USHBP1: variants seen among roughly 807,000 people sequenced by gnomAD.
The protein encoded by USHBP1 is harmonin-binding protein USHBP1.
A neutral mutation model predicts 76.2 loss-of-function variants in USHBP1; 67 were observed. The observed-to-expected ratio is 0.88, with a 90% CI of 0.72 to 1.08. USHBP1 has a LOEUF of 1.08. Ranked by LOEUF, USHBP1 falls within the 50% of genes least tolerant of loss-of-function variation. The pLI is 0.00. For missense variants in USHBP1, 931 were observed against 915.0 expected (o/e 1.02, Z -0.23); for synonymous variants, 322 against 362.2 (o/e 0.89, Z 1.26).
chr19:17,259,890 C>T lies in USHBP1; in HGVS notation c.768+7G>A. On this transcript the variant is annotated splice_region_variant and intron_variant, in intron 5 of 12. Transcript: ENST00000252597. ...CAAGACCATGGGATTGAACTTCTCG[C>T]ACTCACCTGAGTCTCCCAGGGTTCC... The T allele has an allele frequency of 6.2e-7, 1 of 1,612,276 alleles. No homozygotes were observed. The highest frequency in any genetic ancestry group is 1.7e-5 in the Admixed American group (1 of 59,830).
Position 17,251,926 on chromosome 19 carries a change from G to T in USHBP1, c.1784C>A (p.Ala595Glu), listed in dbSNP as rs751367760. Residue 595 changes from alanine (A) to glutamate (E), a missense_variant, in exon 11 of 13, where the codon GCA becomes GAA. Transcript: ENST00000252597. ...AGGCACACACCTGGTGAGCGATGCT[G>T]CCAGTTCCTGGGCTAACTTCTCTGG... ...WDPEKLAQEL[A>E]ASLTRTLDLQ... is the part of the protein sequence containing the mutation. The T allele has an allele frequency of 1.3e-6, 2 of 1,544,758 alleles. No individual in the cohort carries two copies. The highest frequency in any genetic ancestry group is 1.7e-6 in the Non-Finnish European group (2 of 1,146,406).
chr19:17,263,741 G>A (rs929845498), intron 3 of USHBP1: 2 of 403,250 alleles, frequency 5.0e-6, no homozygotes, highest in Non-Finnish European at 4.4e-6. Flanking sequence ...ATGTGGTGGC[G>A]CACACCTGTA....
Position 17,264,287 on chromosome 19 carries a change from C to T in USHBP1, c.13G>A (p.Ala5Thr), listed in dbSNP as rs202066017. 1.2e-6 allele frequency: 2 copies of T among 1,612,602 alleles called. No homozygotes were observed. The highest frequency in any genetic ancestry group is 8.5e-7 in the Non-Finnish European group (1 of 1,179,692). MSARATRPRSRRGRH... is the reference protein window; with the variant it reads MSARTTRPRSRRGRH... ...CCTCGCCGGCTTCGGGGCCGCGTGG[C>T]CCGGGCACTCATTGCTGTCCAGAAG... Residue 5 changes from alanine (A) to threonine (T), a missense_variant, in exon 2 of 13, where the codon GCC becomes ACC. Ala to Thr is a moderately conservative substitution (Grantham distance 58). Transcript: ENST00000252597.
chr19:17,263,370 T>C (rs551019012), intron 3 of USHBP1: 2 of 172,828 alleles, frequency 1.2e-5, no homozygotes, highest in African/African-American at 4.8e-5. Context: ...TTAAACTTCA[T>C]GGTCTTGGGG....
intron 10 of USHBP1, 110 bp downstream of exon 10, chr19:17,255,273 CAA>C: frequency 8.1e-7 from 1 of 1,235,760 alleles, no homozygotes. Flanking sequence ...GCCTGGGCAA[CAA>C]GAGCCAAACT....
chr19:17,262,152 C>A (rs887581351), intron 4 of USHBP1, among the ~76,000 whole-genome samples: 1 of 152,104 alleles, frequency 6.6e-6, no homozygotes, highest in Admixed American at 6.6e-5. Flanking sequence ...AGGCCTATGC[C>A]ACCGCACCCG....
chr19:17,256,567 T>A lies in USHBP1; in HGVS notation c.1374A>T (p.Ala458=), dbSNP rs35239299. ...CCAGAATGGCCTGCACCATGGCTTC[T>A]GCACGGGGCACAGTGGGCATGGGTG... is the stretch of plus-strand genomic sequence containing the variant. ...TLAPMPTVPR[A]EAMVQAILGT... Residue 458 remains alanine, a synonymous_variant, in exon 9 of 13, where the codon GCA becomes GCT. Transcript: ENST00000252597. The A allele has an allele frequency of 6.2e-7, 1 of 1,614,188 alleles. No homozygotes were observed. The highest frequency in any genetic ancestry group is 8.5e-7 in the Non-Finnish European group (1 of 1,180,022).
rs142938951 is a variant in USHBP1, at chr19:17,255,581, C to T, written c.1496G>A (p.Arg499Gln). 1.3e-4 allele frequency: 216 copies of T among 1,612,118 alleles called. No individual in the cohort carries two copies. The highest frequency in any genetic ancestry group is 1.8e-4 in the Non-Finnish European group (208 of 1,178,930). Residue 499 changes from arginine (R) to glutamine (Q), a missense_variant, in exon 10 of 13, where the codon CGG becomes CAG. Transcript: ENST00000252597. Reference sequence around the variant, plus strand: ...CTTCTCACGCCGCACCAGCTGCAGCCGAAGCATCAGGTCCGCCAGGGCCTC... The same window carrying T: ...CTTCTCACGCCGCACCAGCTGCAGCTGAAGCATCAGGTCCGCCAGGGCCTC... The part of the protein sequence containing the change: ...AREALADLML[R>Q]LQLVRREKRG...
intron 7 of USHBP1, among the ~76,000 whole-genome samples, chr19:17,258,940 G>A (rs754916428): frequency 9.3e-5 from 14 of 151,270 alleles, no homozygotes; most frequent in East Asian, 2.0e-4. Context: ...GGCCCAGTAG[G>A]GGGGATCATG....
At chr19:17,254,453 C>T (rs999919308) in intron 10 of USHBP1, among the ~76,000 whole-genome samples, 2 of 151,438 alleles carry the variant, frequency 1.3e-5, no homozygotes, top group Non-Finnish European at 2.9e-5. Flanking sequence ...GTTCAGAGTT[C>T]GAGACCAGCC....
At chr19:17,258,840 A>C in intron 7 of USHBP1, 1 of 230,700 alleles carries the variant, frequency 4.3e-6, no homozygotes, top group Non-Finnish European at 8.7e-6. Flanking sequence ...AAGCATGCAG[A>C]CTCCCTTAGC....
In USHBP1 at chr19:17,264,279, C is replaced by A; in HGVS notation, c.21G>T (p.Arg7=). 1 of 1,613,152 alleles carries A rather than the reference C, an allele frequency of 6.2e-7. No individual in the cohort carries two copies. The highest frequency in any genetic ancestry group is 1.7e-5 in the Admixed American group (1 of 59,950). ...CATGCCTCCCTCGCCGGCTTCGGGG[C>A]CGCGTGGCCCGGGCACTCATTGCTG... MSARAT[R]PRSRRGRHAP... is the part of the protein sequence containing the mutation. The change falls in exon 2 of 13, where the codon CGG becomes CGT. Residue 7 remains arginine (R), a synonymous_variant. Transcript: ENST00000252597.
chr19:17,255,562 ACGC>A lies in USHBP1; in HGVS notation c.1512_1514del (p.Arg505del). The stretch of plus-strand genomic sequence containing the variant: ...CCCGCAGCTCTAGGCCCCGCTTCTC[ACGC>A]CGCACCAGCTGCAGCCGAAGCATCA... On this transcript the variant is annotated inframe_deletion, in exon 10 of 13. Transcript: ENST00000252597. 6.2e-7 allele frequency: 1 copy of A among 1,612,930 alleles called. No individual in the cohort carries two copies. The highest frequency in any genetic ancestry group is 8.5e-7 in the Non-Finnish European group (1 of 1,179,358).
Position 17,251,707 on chromosome 19 carries a change from G to T in USHBP1, c.1800-3C>A. 6.2e-7 allele frequency: 1 copy of T among 1,612,866 alleles called. No homozygotes were observed. The highest frequency in any genetic ancestry group is 8.5e-7 in the Non-Finnish European group (1 of 1,179,998). On this transcript the variant is annotated splice_polypyrimidine_tract_variant and splice_region_variant and intron_variant, in intron 11 of 12. Transcript: ENST00000252597. Reference sequence around the variant, plus strand: ...GCTGCTCCTGCAGGTCCAGTGTCCTGTTGCGAAGGAGAAGAGAGGGGGCTC... The same window carrying T: ...GCTGCTCCTGCAGGTCCAGTGTCCTTTTGCGAAGGAGAAGAGAGGGGGCTC...
At position 17,259,938 on chromosome 19, in the gene USHBP1, A is replaced by G. The variant is rs1049248315; in HGVS notation, c.727T>C (p.Ser243Pro). The G allele has an allele frequency of 1.9e-6, 3 of 1,614,058 alleles. No homozygotes were observed. The highest frequency in any genetic ancestry group is 1.1e-5 in the South Asian group (1 of 91,078). ...TCCCTGTCTGCCTCAGAGCTGCTAG[A>G]ACCACTGCCTGAGCCACCTGCTTGG... Reference protein sequence around the residue: ...HNQAGGSGSGSSSSEADREPW... With the variant: ...HNQAGGSGSGPSSSEADREPW... The change falls in exon 5 of 13, where the codon TCT becomes CCT. Residue 243 changes from serine to proline, a missense_variant. Ser to Pro is a moderately conservative substitution (Grantham distance 74). Transcript: ENST00000252597.
chr19:17,259,939 A>G lies in USHBP1; in HGVS notation c.726T>C (p.Gly242=), dbSNP rs1555714099. Residue 242 remains glycine, a synonymous_variant, in exon 5 of 13, where the codon GGT becomes GGC. Transcript: ENST00000252597. ...CCCTGTCTGCCTCAGAGCTGCTAGA[A>G]CCACTGCCTGAGCCACCTGCTTGGT... ...SHNQAGGSGS[G]SSSSEADREP... is the part of the protein sequence containing the mutation. 2 of 1,613,984 alleles carry G rather than the reference A, an allele frequency of 1.2e-6. No homozygotes were observed. Among genetic ancestry groups the G allele is most frequent in the Admixed American group, 3.3e-5 (2 of 59,986 alleles).
chr19:17,260,969 C>T (rs1455747060), intron 4 of USHBP1, among the ~76,000 whole-genome samples: 1 of 152,212 alleles, frequency 6.6e-6, no homozygotes, highest in Non-Finnish European at 1.5e-5. Context: ...CTACAACCTC[C>T]ACCATCGTGC....
intron 12 of USHBP1, 94 bp from the exon 13 acceptor site, chr19:17,250,508 A>C (rs2145575821): frequency 5.7e-6 from 8 of 1,410,722 alleles, no homozygotes; most frequent in Non-Finnish European, 7.7e-6. Context: ...GGGCTCTTTC[A>C]CATTGGGTCT....
intron 3 of USHBP1, chr19:17,263,624 A>C (rs1003558094): frequency 3.4e-5 from 6 of 177,820 alleles, no homozygotes; most frequent in African/African-American, 4.7e-5. Flanking sequence ...TACACTTGTA[A>C]TCCCAGCACT....
Sources: allele counts gnomAD v4.1 joint callset (sites outside exome capture counted in the v4.1 genomes callset), GRCh38; gene constraint gnomAD v4.1.1; transcripts MANE v1.5; gene names NCBI Gene and HGNC (gene_info 2026-07-23, HGNC 2026-07-21).